NCEH1: variants seen among roughly 807,000 people sequenced by gnomAD.
NCEH1 encodes the protein 2-acetyl MAGE hydrolase.
A neutral mutation model predicts 25.4 loss-of-function variants in NCEH1; 9 were observed. The ratio of observed to expected loss-of-function variants is 0.35; its 90% CI spans 0.21 to 0.62. NCEH1 has a LOEUF of 0.62. Ranked by LOEUF, NCEH1 falls within the 20% of genes least tolerant of loss-of-function variation. The pLI is 0.72. For missense variants in NCEH1, 412 were observed against 501.1 expected, an observed-to-expected ratio of 0.82 and a Z score of 1.70; for synonymous variants, 200 against 199.8, an observed-to-expected ratio of 1.00 and a Z score of -0.01.
intron 4 of NCEH1, among the ~76,000 whole-genome samples, chr3:172,635,040 C>G (rs969264444): frequency 3.3e-5 from 5 of 152,138 alleles, no homozygotes; most frequent in Non-Finnish European, 5.9e-5. Flanking sequence ...TTCTGAGGCT[C>G]AGAGAGGTTA....
chr3:172,657,686 TCTG>T (rs1717763361), intron 1 of NCEH1, among the ~76,000 whole-genome samples: 1 of 152,228 alleles, frequency 6.6e-6, no homozygotes, highest in Non-Finnish European at 1.5e-5. Context: ...CTTAAAAACT[TCTG>T]CTGACTTCCT....
At chr3:172,707,885 T>G (rs576376889) in intron 1 of NCEH1, among the ~76,000 whole-genome samples, 9 of 152,196 alleles carry the variant, frequency 5.9e-5, no homozygotes. Flanking sequence ...CGCGCCCGGC[T>G]GGAACTTTTC....
intron 3 of NCEH1, among the ~76,000 whole-genome samples, chr3:172,637,146 A>G (rs751240718): frequency 1.3e-5 from 2 of 152,192 alleles, no homozygotes; most frequent in African/African-American, 2.4e-5. Context: ...TGTTTTATTC[A>G]TAACTGTGCT....
At chr3:172,692,298 G>A (rs1449464630) in intron 1 of NCEH1, among the ~76,000 whole-genome samples, 1 of 152,066 alleles carries the variant, frequency 6.6e-6, no homozygotes, top group East Asian at 1.9e-4. Context: ...TATATATTTG[G>A]CCACCAGGAG....
At chr3:172,662,953 C>CT in intron 1 of NCEH1, among the ~76,000 whole-genome samples, 1 of 152,290 alleles carries the variant, frequency 6.6e-6, no homozygotes, top group Non-Finnish European at 1.5e-5. Context: ...TTTTGTGTCT[C>CT]TATCTCCTTC....
At position 172,630,684 on chromosome 3, in the gene NCEH1, C is replaced by T. The variant is rs913783286; in HGVS notation, c.*2791G>A. 43 of 152,162 alleles carry T rather than the reference C, an allele frequency of 2.8e-4. No homozygotes were observed. Among genetic ancestry groups the T allele is most frequent in the African/African-American group, 9.4e-4 (39 of 41,438 alleles). 9.4% of individuals were successfully genotyped at this position (152,162 alleles called of 1,614,324 possible). On this transcript the variant is annotated 3_prime_UTR_variant, in exon 5 of 5. Transcript: ENST00000475381. The stretch of plus-strand genomic sequence containing the variant: ...CAGATGGAGCAATTTTATTTCCAAA[C>T]ATGATTCAGAATAGATAGATGCTTT...
chr3:172,689,435 C>G (rs1038330527), intron 1 of NCEH1, among the ~76,000 whole-genome samples: 2 of 151,288 alleles, frequency 1.3e-5, no homozygotes, highest in Admixed American at 6.6e-5. Flanking sequence ...TTAGTAGAGA[C>G]AGGGTTTTAC....
rs1488977097 is a variant in NCEH1 at position 172,710,829 on chromosome 3, C to A, written c.138+18G>T. ...CGTAAGAGGAGGAAGAGAGAAGCAGCGCTGGGCTGCACCTCACCACTTGCT... is the reference window on the plus strand; with the variant it reads ...CGTAAGAGGAGGAAGAGAGAAGCAGAGCTGGGCTGCACCTCACCACTTGCT... On this transcript the variant is annotated intron_variant, in intron 1 of 4. Coordinates refer to ENST00000475381, the MANE Select transcript of NCEH1 (RefSeq NM_020792.6). The A allele has an allele frequency of 6.2e-7, 1 of 1,613,412 alleles. No individual in the cohort carries two copies. Among genetic ancestry groups the A allele is most frequent in the Non-Finnish European group, 8.5e-7 (1 of 1,179,696 alleles).
intron 1 of NCEH1, among the ~76,000 whole-genome samples, chr3:172,702,523 G>GTATC (rs1376395698): frequency 3.9e-5 from 6 of 152,176 alleles, no homozygotes; most frequent in Admixed American, 1.3e-4. Context: ...TCAAGATTAG[G>GTATC]TATCTGCCTT....
At chr3:172,696,587 C>T (rs942149027) in intron 1 of NCEH1, among the ~76,000 whole-genome samples, 16 of 152,298 alleles carry the variant, frequency 1.1e-4, no homozygotes, top group African/African-American at 3.8e-4. Flanking sequence ...GATCAGTAAA[C>T]AAACCCTTGG....
chr3:172,697,256 G>T (rs1713426741), intron 1 of NCEH1, among the ~76,000 whole-genome samples: 1 of 152,052 alleles, frequency 6.6e-6, no homozygotes, highest in Admixed American at 6.5e-5. Context: ...CAAATACTGA[G>T]GCCATTAGCC....
chr3:172,686,960 G>C (rs1298070203), intron 1 of NCEH1, among the ~76,000 whole-genome samples: 2 of 152,122 alleles, frequency 1.3e-5, no homozygotes, highest in Non-Finnish European at 2.9e-5. Flanking sequence ...AACATGCTTT[G>C]CCTAAAAAGA....
intron 1 of NCEH1, among the ~76,000 whole-genome samples, chr3:172,709,002 G>A (rs969422170): frequency 2.1e-4 from 32 of 152,160 alleles, no homozygotes; most frequent in Admixed American, 6.5e-4. Context: ...GAAGTGATAA[G>A]AGCCATTTTT....
chr3:172,702,164 T>A (rs1011987128), intron 1 of NCEH1, among the ~76,000 whole-genome samples: 6 of 152,202 alleles, frequency 3.9e-5, no homozygotes, highest in Non-Finnish European at 5.9e-5. Flanking sequence ...GGTGTCATCT[T>A]AAGCAAGTCA....
intron 1 of NCEH1, among the ~76,000 whole-genome samples, chr3:172,653,763 T>TTTTTTTTTTTTTTTTTGTTTTTTGTTTG (rs1717553623): frequency 1.0e-5 from 1 of 97,856 alleles, no homozygotes; most frequent in African/African-American, 4.0e-5. Flanking sequence ...TTTTTTTGTT[T>TTTTTTTTTTTTTTTTTGTTTTTTGTTTG]TTTTTTTTTT....
chr3:172,636,686 C>T (rs922963508), intron 3 of NCEH1, among the ~76,000 whole-genome samples: 8 of 152,336 alleles, frequency 5.3e-5, no homozygotes, highest in Middle Eastern at 3.4e-3. Context: ...GTTTTCCAGA[C>T]GGCCTAGAGC....
chr3:172,647,753 G>C, intron 2 of NCEH1, 133 bp downstream of exon 2: 1 of 1,239,292 alleles, frequency 8.1e-7, no homozygotes, highest in Non-Finnish European at 1.1e-6. Context: ...GGGACAACAG[G>C]GGTAACTGGG....
At chr3:172,634,320 C>T (rs1716509533) in intron 4 of NCEH1, among the ~76,000 whole-genome samples, 1 of 152,176 alleles carries the variant, frequency 6.6e-6, no homozygotes, top group South Asian at 2.1e-4. Flanking sequence ...ATGATGTTTA[C>T]AACTCAGTTT....
chr3:172,640,049 T>C (rs2108490720), intron 3 of NCEH1, among the ~76,000 whole-genome samples: 1 of 152,328 alleles, frequency 6.6e-6, no homozygotes, highest in East Asian at 1.9e-4. Flanking sequence ...AGGGTTGAAA[T>C]GCGCAATTCT....
Sources: allele counts gnomAD v4.1 joint callset (sites outside exome capture counted in the v4.1 genomes callset), GRCh38; gene constraint gnomAD v4.1.1; transcripts MANE v1.5; gene names NCBI Gene and HGNC (gene_info 2026-07-23, HGNC 2026-07-21).